Variants in UNC79 observed in about 807,000 individuals in gnomAD.
The protein encoded by UNC79 is unc-79 subunit of NALCN channel complex.
Under a neutral mutation model 283.1 loss-of-function variants are expected in UNC79, and 37 were observed. The ratio of observed to expected loss-of-function variants is 0.13; its 90% CI spans 0.10 to 0.17. The LOEUF is 0.17. Among genes scored for constraint, UNC79 ranks in the 10% least tolerant of loss-of-function variants. UNC79 has a pLI of 1.00. For missense variants in UNC79, 2,272 were observed against 3,211.1 expected (o/e 0.71, Z 7.07); for synonymous variants, 1,107 against 1,200.2 (o/e 0.92, Z 1.61).
At position 93,474,489 on chromosome 14, in the gene UNC79, C is replaced by T; in HGVS notation, c.448+96C>T. 7.3e-7 allele frequency: 1 copy of T among 1,369,418 alleles called. No homozygotes were observed. 84.8% of individuals were successfully genotyped at this position (1,369,418 alleles called of 1,614,324 possible). Reference sequence around the variant, plus strand: ...GCTTGGAGATGGTCACTGTTGTAATCAATCACCTGAAAGGGCTTTGTGTGG... The same window carrying T: ...GCTTGGAGATGGTCACTGTTGTAATTAATCACCTGAAAGGGCTTTGTGTGG... On this transcript the variant is annotated intron_variant, in intron 3 of 48. Transcript: ENST00000555664. The surrounding 1 kb of genome is among the most constrained non-coding windows in gnomAD (Gnocchi z 4.1).
chr14:93,444,186 C>T (rs905459872), intron 1 of UNC79, among the ~76,000 whole-genome samples: 1 of 152,164 alleles, frequency 6.6e-6, no homozygotes, highest in Non-Finnish European at 1.5e-5. Context: ...TAGCATTTCT[C>T]TGAGGATTAG....
intron 1 of UNC79, among the ~76,000 whole-genome samples, chr14:93,441,726 A>G (rs981187075): frequency 6.6e-6 from 1 of 152,182 alleles, no homozygotes; most frequent in African/African-American, 2.4e-5. Context: ...TTAGACAATC[A>G]TATCCATATG....
At chr14:93,445,361 A>G (rs867177494) in intron 1 of UNC79, among the ~76,000 whole-genome samples, 4 of 152,268 alleles carry the variant, frequency 2.6e-5, no homozygotes, top group Middle Eastern at 6.8e-3. Context: ...AAGTGATGTG[A>G]GTGAGTGTTC....
chr14:93,531,852 A>T lies in UNC79; in HGVS notation c.1094-698A>T, dbSNP rs996700035. Among the ~76,000 whole-genome samples, 2 of 152,164 alleles carry T rather than the reference A, an allele frequency of 1.3e-5. No homozygotes were observed. The highest frequency in any genetic ancestry group is 2.9e-5 in the Non-Finnish European group (2 of 68,030). On this transcript the variant is annotated intron_variant, in intron 10 of 48. Transcript: ENST00000555664. The surrounding 1 kb of genome is among the most constrained non-coding windows in gnomAD (Gnocchi z 4.2). ...TGTGTGACCTTGAAGAATTTACCTAACCACAGTGGTTCTCAGTTTTGTCCT... is the reference window on the plus strand; with the variant it reads ...TGTGTGACCTTGAAGAATTTACCTATCCACAGTGGTTCTCAGTTTTGTCCT...
chr14:93,555,642 G>A (rs912139275), intron 14 of UNC79, among the ~76,000 whole-genome samples: 2 of 152,084 alleles, frequency 1.3e-5, no homozygotes, highest in African/African-American at 4.8e-5. Flanking sequence ...GGCTTAAAGT[G>A]ACCCACCTGC....
intron 1 of UNC79, among the ~76,000 whole-genome samples, chr14:93,452,650 A>C (rs1340431451): frequency 6.6e-6 from 1 of 152,094 alleles, no homozygotes; most frequent in African/African-American, 2.4e-5. Context: ...GGCTTCCCAA[A>C]GTGCTGGGAT....
intron 14 of UNC79, among the ~76,000 whole-genome samples, chr14:93,554,279 C>T (rs554264902): frequency 2.6e-4 from 39 of 149,096 alleles, no homozygotes; most frequent in Admixed American, 5.4e-4. Flanking sequence ...ACCCAGGAGG[C>T]GGAGGTTGCA....
chr14:93,630,388 T>C (rs1393756021), intron 30 of UNC79, among the ~76,000 whole-genome samples: 1 of 152,194 alleles, frequency 6.6e-6, no homozygotes, highest in African/African-American at 2.4e-5. Context: ...TCTATATAAA[T>C]TGAGACGCAA....
intron 31 of UNC79, among the ~76,000 whole-genome samples, 193 bp downstream of exon 34, chr14:93,634,830 C>T (rs766372605): frequency 6.6e-6 from 1 of 152,156 alleles, no homozygotes; most frequent in Admixed American, 6.5e-5. Flanking sequence ...CACGCTCTTC[C>T]GTTGAGGCTG....
Position 93,497,302 on chromosome 14 carries a change from C to T in UNC79, c.898+16C>T, listed in dbSNP as rs367735210. ...CAGTACACAGGTAAGAGGAGAGGAG[C>T]CCTGTGATGCCCCATCTGTATTTCT... On this transcript the variant is annotated intron_variant, in intron 7 of 48. Transcript: ENST00000555664. 2 of 1,605,748 alleles carry T rather than the reference C, an allele frequency of 1.2e-6. No homozygotes were observed. The highest frequency in any genetic ancestry group is 1.7e-6 in the Non-Finnish European group (2 of 1,178,732).
At chr14:93,404,403 T>C (rs1187649021) in intron 1 of UNC79, among the ~76,000 whole-genome samples, 1 of 146,496 alleles carries the variant, frequency 6.8e-6, no homozygotes, top group Non-Finnish European at 1.5e-5. Flanking sequence ...GGAAGGAAGA[T>C]TGCTTGAACC....
At chr14:93,417,683 T>C (rs1224254746) in intron 1 of UNC79, among the ~76,000 whole-genome samples, 2 of 152,232 alleles carry the variant, frequency 1.3e-5, no homozygotes, top group Non-Finnish European at 2.9e-5. Context: ...TGTGGTCTTT[T>C]CACATAGTCC....
chr14:93,696,209 C>G (rs2075111778), intron 47 of UNC79, among the ~76,000 whole-genome samples: 1 of 152,082 alleles, frequency 6.6e-6, no homozygotes, highest in South Asian at 2.1e-4. Context: ...ATTCATTTAT[C>G]AGTTATTTGA....
At chr14:93,371,443 C>T (rs184879352) in intron 1 of UNC79, among the ~76,000 whole-genome samples, 16 of 151,938 alleles carry the variant, frequency 1.1e-4, no homozygotes, top group Non-Finnish European at 1.9e-4. Context: ...AACAAAAAAA[C>T]GCAGAACACA....
chr14:93,357,788 TATATATATATGGATATATGG>T (rs1566889893), intron 1 of UNC79, among the ~76,000 whole-genome samples: 3 of 129,474 alleles, frequency 2.3e-5, no homozygotes, highest in African/African-American at 5.9e-5. Flanking sequence ...GATATATGGA[TATATATATATGGATATATGG>T]ATATATATAT....
At chr14:93,368,169 A>G (rs769986809) in intron 1 of UNC79, among the ~76,000 whole-genome samples, 38 of 151,702 alleles carry the variant, frequency 2.5e-4, no homozygotes, top group Non-Finnish European at 4.4e-4. Context: ...ATTGTTTTTC[A>G]TTTTTCTTTG....
At chr14:93,348,156 A>G in intron 1 of UNC79, 1 of 1,316,676 alleles carries the variant, frequency 7.6e-7, no homozygotes, top group South Asian at 1.2e-5. Context: ...TAACGTCCAA[A>G]AAACTTTCAG....
At chr14:93,349,430 C>T (rs368872968) in intron 1 of UNC79, among the ~76,000 whole-genome samples, 1 of 152,116 alleles carries the variant, frequency 6.6e-6, no homozygotes, top group Non-Finnish European at 1.5e-5. Flanking sequence ...AGTCCCTCCC[C>T]GAGTTCCTCA....
rs147700464 is a variant in UNC79, at chr14:93,448,686, C to T, written c.22+17635C>T. On this transcript the variant is annotated intron_variant, in intron 1 of 48. Transcript: ENST00000555664. ...TTTGCTTTATGGGTAATTTTCCTGG[C>T]TGGGATGGAATTGCAAACTCTGTTC... is the stretch of plus-strand genomic sequence containing the variant. Among the ~76,000 whole-genome samples the T allele has an allele frequency of 2.6e-4, 39 of 152,228 alleles. 1 individual carries two copies. The highest frequency in any genetic ancestry group is 8.3e-4 in the South Asian group (4 of 4,828).
Sources: gnomAD v4.1 joint callset for allele counts (sites outside exome capture counted in the v4.1 genomes callset) on GRCh38, gnomAD v4.1.1 for gene constraint, Gnocchi (gnomAD v3.1) non-coding constraint, MANE v1.5 for transcripts, NCBI Gene and HGNC (gene_info 2026-07-23, HGNC 2026-07-21) for gene names.